PRSS16: variants seen among roughly 807,000 people sequenced by gnomAD.
PRSS16 encodes the protein serine protease 16.
Under a neutral mutation model 61.7 loss-of-function variants are expected in PRSS16, and 43 were observed. The ratio of observed to expected loss-of-function variants is 0.70; its 90% confidence interval spans 0.55 to 0.90. PRSS16 has a LOEUF of 0.90. PRSS16 is among the 40% of genes least tolerant of loss of function. The probability of loss-of-function intolerance (pLI) is 0.00; values close to 1 mark genes in which losing one functional copy is unlikely to be tolerated. For synonymous variants in PRSS16, 273 were observed against 285.2 expected (o/e 0.96, Z 0.43); for missense variants, 591 against 659.1 (o/e 0.90, Z 1.13).
At position 27,254,693 on chromosome 6, in the gene PRSS16, A is replaced by T. The variant is rs145885657; in HGVS notation, c.1151A>T (p.Tyr384Phe). 2 of 1,609,318 alleles carry T rather than the reference A, an allele frequency of 1.2e-6. No individual in the cohort carries two copies. Among genetic ancestry groups the T allele is most frequent in the African/African-American group, 1.3e-5 (1 of 74,822 alleles). The change falls in exon 10 of 12, where the codon TAT becomes TTT. Residue 384 changes from tyrosine to phenylalanine, a missense_variant and splice_region_variant. Physicochemically the swap from Tyr to Phe is conservative, Grantham distance 22. Coordinates refer to ENST00000230582, the MANE Select transcript of PRSS16 (RefSeq NM_005865.4). ...CACTTACAGGTATCTCCCTACACAG[A>T]TGTCACCTGTGAGAATCCCAGATGT... is the stretch of plus-strand genomic sequence containing the variant. ...LYQTCTEFGF[Y>F]VTCENPRCPF...
chr6:27,250,121 C>G (rs1395311918), intron 4 of PRSS16, among the ~76,000 whole-genome samples: 1 of 152,182 alleles, frequency 6.6e-6, no homozygotes, highest in Non-Finnish European at 1.5e-5. Context: ...CCATCTCTGT[C>G]TCTCTGCATC....
chr6:27,248,861 T>C lies in PRSS16; in HGVS notation c.252T>C (p.Asn84=), dbSNP rs139981185. The C allele has an allele frequency of 4.5e-4, 729 of 1,609,752 alleles. 2 individuals carry two copies. The African/African-American group carries it at 8.7e-3, about 19-fold the overall frequency. ...RRSFLQRYWV[N]DQHWVGQDGP... is the part of the protein sequence containing the mutation. ...CCACCTCTCAGCGTTACTGGGTGAA[T>C]GACCAACATTGGGTTGGCCAGGATG... Residue 84 remains asparagine (N), a synonymous_variant, in exon 3 of 12, where the codon AAT becomes AAC. Coordinates refer to ENST00000230582, the MANE Select transcript of PRSS16 (RefSeq NM_005865.4).
At position 27,250,601 on chromosome 6, in the gene PRSS16, G is replaced by C. The variant is rs1346257090; in HGVS notation, c.468-82G>C. Reference sequence around the variant, plus strand: ...GCCAGATTCACCCATTCATGTCTCTGGATCCGGGTTTCCCCCAGAATGGGG... The same window carrying C: ...GCCAGATTCACCCATTCATGTCTCTCGATCCGGGTTTCCCCCAGAATGGGG... On this transcript the variant is annotated intron_variant, in intron 4 of 11. Coordinates refer to ENST00000230582, the MANE Select transcript of PRSS16 (RefSeq NM_005865.4). 5.3e-6 allele frequency: 8 copies of C among 1,503,894 alleles called. No individual in the cohort carries two copies. The East Asian group carries it at 9.4e-5, about 18-fold the overall frequency. 93.2% of individuals were successfully genotyped at this position (1,503,894 alleles called of 1,614,324 possible).
In PRSS16 at chr6:27,252,186, T is replaced by C; in HGVS notation, c.1008+146T>C. The C allele has an allele frequency of 2.0e-6, 2 of 1,013,358 alleles. No individual in the cohort carries two copies. The highest frequency in any genetic ancestry group is 2.7e-6 in the Non-Finnish European group (2 of 729,124). The allele number at this position is 1,013,358 out of a possible 1,614,324, so 62.8% of individuals were successfully genotyped here. A position where few individuals can be genotyped will look rare whatever the true frequency, so the allele number is the denominator to read the frequency against. ...TGGGGATAACACTTCACAGGGCCGA[T>C]GGGAAGATGAAATGAGGCGGGTCAT... On this transcript the variant is annotated intron_variant, in intron 8 of 11. Transcript: ENST00000230582. The surrounding 1 kb of genome is among the most constrained non-coding windows in gnomAD (Gnocchi z 4.2).
intron 4 of PRSS16, 103 bp from the exon 5 acceptor site, chr6:27,250,580 G>C: frequency 6.7e-7 from 1 of 1,482,496 alleles, no homozygotes; most frequent in Non-Finnish European, 9.0e-7. Flanking sequence ...TTTCTGGCCA[G>C]ATTCACCCAT....
rs746606654 is a variant in PRSS16 at position 27,251,034 on chromosome 6, T to G, written c.592-8T>G. 3.1e-6 allele frequency: 5 copies of G among 1,613,574 alleles called. No homozygotes were observed. The South Asian group carries it at 5.5e-5, about 18-fold the overall frequency. On this transcript the variant is annotated splice_region_variant and splice_polypyrimidine_tract_variant and intron_variant, in intron 5 of 11. Coordinates refer to ENST00000230582, the MANE Select transcript of PRSS16 (RefSeq NM_005865.4). This position sits in a 1 kb window ranked among gnomAD's most constrained non-coding sequence, Gnocchi z 5.6. ...CAGCCCGCAGGCTGACGGCGTCTCC[T>G]CCCTTAGTTCCCCCATCTCATTTTC...
rs756724311 is a variant in PRSS16, at chr6:27,254,999, C to T, written c.1344C>T (p.Pro448=). 1.2e-5 allele frequency: 19 copies of T among 1,613,148 alleles called. No homozygotes were observed. The South Asian group carries it at 1.6e-4, about 14-fold the overall frequency. ...CTTTCTTTCCAGGGGACACAGACCC[C>T]TGGCATGTGCTAAGTGTAACACAGG... is the stretch of plus-strand genomic sequence containing the variant. ...KVLFVNGDTD[P]WHVLSVTQAL... Residue 448 remains proline, a synonymous_variant, in exon 11 of 12, where the codon CCC becomes CCT. Transcript: ENST00000230582.
rs1367466685 is a variant in PRSS16 at position 27,251,145 on chromosome 6, G to A, written c.669+26G>A. ...GTAAGGATGGCGGGCAGCAGGTGCG[G>A]GACGGGGAGGGGTCCCAGCGGGCGG... On this transcript the variant is annotated intron_variant, in intron 6 of 11. Transcript: ENST00000230582. This position sits in a 1 kb window ranked among gnomAD's most constrained non-coding sequence, Gnocchi z 5.6. The A allele has an allele frequency of 1.9e-6, 3 of 1,614,080 alleles. No homozygotes were observed. In the Admixed American group the frequency reaches 5.0e-5, roughly 27 times the overall value.
chr6:27,254,666 C>T (rs1759989531), intron 9 of PRSS16, 27 bp from the exon 10 acceptor site: 1 of 1,577,504 alleles, frequency 6.3e-7, no homozygotes, highest in East Asian at 2.2e-5. Flanking sequence ...CCTGTATACC[C>T]ACACTTACAG....
chr6:27,250,838 A>C (rs1213288736), intron 5 of PRSS16, 32 bp downstream of exon 5: 1 of 1,583,666 alleles, frequency 6.3e-7, no homozygotes, highest in Non-Finnish European at 8.6e-7. Flanking sequence ...GGCTGGGGGG[A>C]GGGAACTCGG....
At chr6:27,254,511 C>G in intron 9 of PRSS16, 182 bp from the exon 10 acceptor site, 1 of 617,640 alleles carries the variant, frequency 1.6e-6, no homozygotes, top group Non-Finnish European at 2.8e-6. Context: ...CCATCACAGC[C>G]CTGATCACTG....
Position 27,251,519 on chromosome 6 carries a change from G to A in PRSS16, c.718-231G>A, listed in dbSNP as rs1006774478. The A allele has an allele frequency of 4.7e-5, 34 of 727,218 alleles. No homozygotes were observed. Among genetic ancestry groups the A allele is most frequent in the Non-Finnish European group, 7.1e-5 (33 of 462,574 alleles). The allele number at this position is 727,218 out of a possible 1,614,324, so 45.0% of individuals were successfully genotyped here. On this transcript the variant is annotated intron_variant, in intron 7 of 11. Coordinates refer to ENST00000230582, the MANE Select transcript of PRSS16 (RefSeq NM_005865.4). The surrounding 1 kb of genome is among the most constrained non-coding windows in gnomAD (Gnocchi z 5.6). ...ATCCGGAGGTGAGGCTCAAGGTGGGGCGGGGCCACAATGGAGGACGGGGCC... is the reference window on the plus strand; with the variant it reads ...ATCCGGAGGTGAGGCTCAAGGTGGGACGGGGCCACAATGGAGGACGGGGCC...
In PRSS16 at chr6:27,251,974, T is replaced by G; in HGVS notation, c.942T>G (p.Leu314=). 2 of 1,586,882 alleles carry G rather than the reference T, an allele frequency of 1.3e-6. No individual in the cohort carries two copies. Among genetic ancestry groups the G allele is most frequent in the Non-Finnish European group, 1.7e-6 (2 of 1,169,592 alleles). The change falls in exon 8 of 12, where the codon CTT becomes CTG. Residue 314 remains leucine (L), a synonymous_variant. Transcript: ENST00000230582. The surrounding 1 kb of genome is among the most constrained non-coding windows in gnomAD (Gnocchi z 5.6). The stretch of plus-strand genomic sequence containing the variant: ...TAAGCGTGCGACAGCTCTGCGGACT[T>G]CTCCTCGGGGGCGGGGGCAACCGCA... ...APLSVRQLCG[L]LLGGGGNRSH...
chr6:27,250,999 T>C (rs182767155), intron 5 of PRSS16, 43 bp from the exon 6 acceptor site: 1 of 1,607,860 alleles, frequency 6.2e-7, no homozygotes, highest in Non-Finnish European at 8.5e-7. Flanking sequence ...GATATGCGAT[T>C]CCAACCCCTC....
chr6:27,248,220 T>C (rs1761263836), intron 2 of PRSS16, among the ~76,000 whole-genome samples, 172 bp downstream of exon 2: 1 of 151,754 alleles, frequency 6.6e-6, no homozygotes, highest in Non-Finnish European at 1.5e-5. Context: ...CCTTTGTAGA[T>C]TTGGCCTTAC....
Position 27,251,615 on chromosome 6 carries a change from G to GGGGGCGGGGGCCTC in PRSS16, c.718-133_718-132insGGCGGGGGCCTCGG. The GGGGGCGGGGGCCTC allele has an allele frequency of 3.4e-6, 4 of 1,164,282 alleles. No homozygotes were observed. The highest frequency in any genetic ancestry group is 4.6e-6 in the Non-Finnish European group (4 of 864,620). 72.1% of individuals were successfully genotyped at this position (1,164,282 alleles called of 1,614,324 possible). A position where few individuals can be genotyped will look rare whatever the true frequency, so the allele number is the denominator to read the frequency against. ...GGCGGGGGCCTGGGGGCGGGGGCCTGGGCCAAGAGCTAGGTCTGCACCCTC... is the reference window on the plus strand; with the variant it reads ...GGCGGGGGCCTGGGGGCGGGGGCCTGGGGGCGGGGGCCTCGGCCAAGAGCTAGGTCTGCACCCTC... On this transcript the variant is annotated intron_variant, in intron 7 of 11. Coordinates refer to ENST00000230582, the MANE Select transcript of PRSS16 (RefSeq NM_005865.4). The surrounding 1 kb of genome is among the most constrained non-coding windows in gnomAD (Gnocchi z 5.6).
At position 27,248,828 on chromosome 6, in the gene PRSS16, T is replaced by A; in HGVS notation, c.238-19T>A. 1 of 1,539,060 alleles carries A rather than the reference T, an allele frequency of 6.5e-7. No homozygotes were observed. Among genetic ancestry groups the A allele is most frequent in the South Asian group, 1.2e-5 (1 of 84,364 alleles). On this transcript the variant is annotated intron_variant, in intron 2 of 11. Transcript: ENST00000230582. ...GGACTCTCACAGTGCCATTTCTTCTTCCCCATCCCACCTCTCAGCGTTACT... is the reference window on the plus strand; with the variant it reads ...GGACTCTCACAGTGCCATTTCTTCTACCCCATCCCACCTCTCAGCGTTACT...
Position 27,250,695 on chromosome 6 carries a change from G to A in PRSS16, c.480G>A (p.Val160=). 6.2e-7 allele frequency: 1 copy of A among 1,611,880 alleles called. No individual in the cohort carries two copies. The highest frequency in any genetic ancestry group is 8.5e-7 in the Non-Finnish European group (1 of 1,178,844). The change falls in exon 5 of 12, where the codon GTG becomes GTA. Residue 160 remains valine, a synonymous_variant. Transcript: ENST00000230582. ...CCTTTGACCCTAGGCTGGCTGATGTGGTCTCTGCCCGCCTGGCACTTTCCC... is the reference window on the plus strand; with the variant it reads ...CCTTTGACCCTAGGCTGGCTGATGTAGTCTCTGCCCGCCTGGCACTTTCCC... ...FLSSRLALAD[V]VSARLALSRL... is the part of the protein sequence containing the mutation.
Position 27,249,230 on chromosome 6 carries a change from G to A in PRSS16, c.467+1G>A, listed in dbSNP as rs372186062. ...TCCGCTTCTTGTCCAGCCGCCTTGC[G>A]TGAGTGGAGGAAGGGAAAGTGTTTA... On this transcript the variant is annotated splice_donor_variant, in intron 4 of 11. Transcript: ENST00000230582. LOFTEE classifies it high-confidence loss of function. 39 of 1,612,980 alleles carry A rather than the reference G, an allele frequency of 2.4e-5. 1 individual carries two copies. The highest frequency in any genetic ancestry group is 3.0e-5 in the Non-Finnish European group (35 of 1,179,626).
Sources: allele counts gnomAD v4.1 joint callset (sites outside exome capture counted in the v4.1 genomes callset), GRCh38; gene constraint gnomAD v4.1.1; non-coding constraint Gnocchi (gnomAD v3.1); transcripts MANE v1.5; gene names NCBI Gene and HGNC (gene_info 2026-07-23, HGNC 2026-07-21).